The following SLC9B1 variants were observed in gnomAD, a reference collection of about 807,000 sequenced individuals.
SLC9B1 encodes the protein solute carrier family 9 member B1.
Under a neutral mutation model 51.7 loss-of-function variants are expected in SLC9B1, and 32 were observed. The observed-to-expected ratio is 0.62, with a 90% CI of 0.47 to 0.83. The LOEUF is 0.83. Among genes scored for constraint, SLC9B1 ranks in the 40% least tolerant of loss-of-function variants. SLC9B1 has a pLI of 0.00. For synonymous variants in SLC9B1, 145 were observed against 212.7 expected, an observed-to-expected ratio of 0.68 and a Z score of 2.77; for missense variants, 406 against 613.2, an observed-to-expected ratio of 0.66 and a Z score of 3.57.
intron 3 of SLC9B1, among the ~76,000 whole-genome samples, chr4:102,958,767 A>G (rs776970464): frequency 3.8e-4 from 58 of 151,970 alleles, no homozygotes; most frequent in Non-Finnish European, 8.8e-5. Flanking sequence ...CTAAAAATAC[A>G]AAAAAATTAG....
At chr4:102,959,349 T>A (rs910439696) in intron 3 of SLC9B1, among the ~76,000 whole-genome samples, 2 of 152,160 alleles carry the variant, frequency 1.3e-5, no homozygotes, top group African/African-American at 4.8e-5. Flanking sequence ...AGTTTTATTA[T>A]CTGTAAAATG....
At chr4:103,002,431 C>G (rs1472227342) in intron 1 of SLC9B1, among the ~76,000 whole-genome samples, 3 of 152,086 alleles carry the variant, frequency 2.0e-5, no homozygotes, top group Non-Finnish European at 2.9e-5. Context: ...AATTTATAGG[C>G]TAACATTTAG....
intron 7 of SLC9B1, among the ~76,000 whole-genome samples, chr4:102,919,277 A>G (rs1357445858): frequency 6.6e-6 from 1 of 152,170 alleles, no homozygotes; most frequent in East Asian, 1.9e-4. Context: ...AAGGCTGCAA[A>G]TCTTCCAAAC....
Position 102,945,280 on chromosome 4 carries a change from A to ATGG in SLC9B1, c.565_566insCCA (p.Val189delinsAlaIle). The ATGG allele has an allele frequency of 6.2e-7, 1 of 1,602,620 alleles. No individual in the cohort carries two copies. Among genetic ancestry groups the ATGG allele is most frequent in the Non-Finnish European group, 8.5e-7 (1 of 1,172,336 alleles). ...ACTTGCCTCCATAAGGCATGGACCT[A>ATGG]CAGCCAATCTGAAACAAACGACCTT... On this transcript the variant is annotated protein_altering_variant, in exon 6 of 12. Transcript: ENST00000296422.
chr4:102,891,046 T>C (rs1409803876), intron 11 of SLC9B1: 3 of 151,020 alleles, frequency 2.0e-5, no homozygotes, highest in Non-Finnish European at 4.4e-5. Context: ...TATGAAATCA[T>C]TGATAGATCC....
At chr4:102,945,779 A>G (rs1038031189) in intron 5 of SLC9B1, among the ~76,000 whole-genome samples, 2 of 152,132 alleles carry the variant, frequency 1.3e-5, no homozygotes, top group Non-Finnish European at 2.9e-5. Flanking sequence ...TCCTTGGTTC[A>G]TACTTTCTGC....
At chr4:102,932,014 A>C in intron 7 of SLC9B1, 110 bp downstream of exon 7, 1 of 1,009,374 alleles carries the variant, frequency 9.9e-7, no homozygotes, top group Non-Finnish European at 1.5e-6. Context: ...AAAGATGTTA[A>C]ATTGAACAGT....
At chr4:102,926,055 G>A (rs1736153294) in intron 7 of SLC9B1, among the ~76,000 whole-genome samples, 2 of 152,280 alleles carry the variant, frequency 1.3e-5, no homozygotes, top group African/African-American at 4.8e-5. Context: ...ACTCCTTCAT[G>A]CTAAAAACTC....
chr4:102,885,156 C>T lies in SLC9B1; in HGVS notation c.*77G>A. The T allele has an allele frequency of 3.9e-6, 5 of 1,281,322 alleles. No homozygotes were observed. In the South Asian group the frequency reaches 5.9e-5, roughly 15 times the overall value. The allele number at this position is 1,281,322 out of a possible 1,614,324, so 79.4% of individuals were successfully genotyped here. A position where few individuals can be genotyped will look rare whatever the true frequency, so the allele number is the denominator to read the frequency against. On this transcript the variant is annotated 3_prime_UTR_variant, in exon 12 of 12. Transcript: ENST00000394789. ...GAATAAGCTCAAGGATGAAACTAGA[C>T]ATGCTATTTTGAATTCTTTTCCAAG...
At chr4:103,001,327 G>A (rs568078251) in intron 1 of SLC9B1, among the ~76,000 whole-genome samples, 3 of 152,288 alleles carry the variant, frequency 2.0e-5, no homozygotes, top group Non-Finnish European at 2.9e-5. Context: ...TTACGCAAAT[G>A]TCTGCAGGCA....
chr4:102,956,207 G>T (rs1737805046), intron 3 of SLC9B1, among the ~76,000 whole-genome samples: 1 of 151,970 alleles, frequency 6.6e-6, no homozygotes, highest in Non-Finnish European at 1.5e-5. Flanking sequence ...ATGATTCCAG[G>T]AAGTTTGTGC....
intron 3 of SLC9B1, among the ~76,000 whole-genome samples, chr4:102,969,036 T>G (rs1409941356): frequency 6.6e-6 from 1 of 152,112 alleles, no homozygotes; most frequent in Admixed American, 6.5e-5. Context: ...GCTGGGAAGC[T>G]CGAACTGGGT....
intron 6 of SLC9B1, among the ~76,000 whole-genome samples, chr4:102,936,940 A>T (rs1316985161): frequency 6.6e-6 from 1 of 152,116 alleles, no homozygotes; most frequent in Non-Finnish European, 1.5e-5. Flanking sequence ...TCCCCAAGAC[A>T]TCCCCAAGTC....
At chr4:102,914,355 C>G (rs1357692489) in intron 7 of SLC9B1, among the ~76,000 whole-genome samples, 1 of 151,702 alleles carries the variant, frequency 6.6e-6, no homozygotes, top group Non-Finnish European at 1.5e-5. Context: ...GCTGCATAAC[C>G]CTTCAACTGT....
At chr4:102,899,033 A>G (rs1173343124), downstream of SLC9B1, among the ~76,000 whole-genome samples, 2 of 152,014 alleles carry the variant, frequency 1.3e-5, no homozygotes, top group Non-Finnish European at 2.9e-5. Context: ...CACTGTGCCC[A>G]GCCTTATTTG....
At chr4:102,993,664 C>T (rs1254571463) in intron 1 of SLC9B1, among the ~76,000 whole-genome samples, 1 of 152,188 alleles carries the variant, frequency 6.6e-6, no homozygotes, top group Admixed American at 6.5e-5. Flanking sequence ...CCACATTTTT[C>T]CTTTGCACTG....
chr4:102,885,177 C>G, exon 12 of SLC9B1: 1 of 1,505,662 alleles, frequency 6.6e-7, no homozygotes, highest in Non-Finnish European at 9.2e-7. Context: ...GAATTCTTTT[C>G]CAAGAGCACT....
At chr4:102,986,814 CTCTT>C (rs1739649361) in intron 3 of SLC9B1, among the ~76,000 whole-genome samples, 1 of 152,156 alleles carries the variant, frequency 6.6e-6, no homozygotes, top group Non-Finnish European at 1.5e-5. Context: ...TATCTGGCAT[CTCTT>C]TCTTACAATT....
chr4:102,942,033 G>A (rs4543115), intron 6 of SLC9B1, among the ~76,000 whole-genome samples: 83,171 of 151,876 alleles, frequency 0.55, 23,350 homozygotes, highest in African/African-American at 0.68. Flanking sequence ...TGAGAATTAA[G>A]TCAAGATCTC....
Sources: allele counts gnomAD v4.1 joint callset (sites outside exome capture counted in the v4.1 genomes callset), GRCh38; gene constraint gnomAD v4.1.1; transcripts MANE v1.5; gene names NCBI Gene and HGNC (gene_info 2026-07-23, HGNC 2026-07-21).